APBB2: variants seen among roughly 807,000 people sequenced by gnomAD.
APBB2 encodes Fe65-like 1.
APBB2 carries 38 observed loss-of-function variants against 82.5 expected under a neutral mutation model. The observed-to-expected ratio is 0.46, with a 90% CI of 0.36 to 0.60. The LOEUF (loss-of-function observed/expected upper bound fraction) is 0.60. Among genes scored for constraint, APBB2 ranks in the 20% least tolerant of loss-of-function variants. The pLI, the probability that APBB2 is intolerant of heterozygous loss-of-function variation, is 0.00. For synonymous variants in APBB2, 341 were observed against 368.2 expected (o/e 0.93, Z 0.85); for missense variants, 772 against 972.3 (o/e 0.79, Z 2.74).
chr4:40,885,933 CT>C (rs879550800), intron 12 of APBB2, among the ~76,000 whole-genome samples: 23 of 148,078 alleles, frequency 1.6e-4, no homozygotes, highest in Non-Finnish European at 2.1e-4. Context: ...ACTATAGAAT[CT>C]TTTTTTTTTT....
At chr4:41,190,567 A>G (rs1774164604) in intron 1 of APBB2, among the ~76,000 whole-genome samples, 1 of 152,118 alleles carries the variant, frequency 6.6e-6, no homozygotes, top group Non-Finnish European at 1.5e-5. Flanking sequence ...CTATTTCTTA[A>G]AGTTCTGTGA....
chr4:40,848,857 T>C (rs1408602165), intron 12 of APBB2: 3 of 985,198 alleles, frequency 3.0e-6, no homozygotes, highest in Admixed American at 1.2e-4. Context: ...TGATCATCAC[T>C]GCCTCCAAAA....
At chr4:41,134,378 G>A (rs1305009054) in intron 2 of APBB2, among the ~76,000 whole-genome samples, 3 of 152,064 alleles carry the variant, frequency 2.0e-5, no homozygotes, top group East Asian at 3.9e-4. Flanking sequence ...AGGAGATGGA[G>A]ACCATCCTGG....
At position 40,962,337 on chromosome 4, in the gene APBB2, C is replaced by T. The variant is rs550896353; in HGVS notation, c.836-17264G>A. On this transcript the variant is annotated intron_variant, in intron 6 of 17. Coordinates refer to ENST00000508593, the MANE Select transcript of APBB2 (RefSeq NM_004307.2). ...AGAACCAGTAAATGAAATAATTATT[C>T]TCAAAATTTTCAAACGATAATTCAT... 2.2e-4 allele frequency among the ~76,000 whole-genome samples: 34 copies of T among 152,258 alleles called. No individual in the cohort carries two copies. The East Asian group carries it at 5.6e-3, about 25-fold the overall frequency.
chr4:40,917,768 G>A (rs1214933983), intron 10 of APBB2, among the ~76,000 whole-genome samples: 1 of 152,218 alleles, frequency 6.6e-6, no homozygotes, highest in African/African-American at 2.4e-5. Context: ...TTGGAATGAT[G>A]AGGAGTATTT....
chr4:41,207,171 C>T (rs979948717), intron 1 of APBB2, among the ~76,000 whole-genome samples: 2 of 132,448 alleles, frequency 1.5e-5, no homozygotes, highest in Non-Finnish European at 3.1e-5. Context: ...TGCATTCCAG[C>T]CTGGGCGACC....
chr4:41,053,410 C>T (rs1327729470), intron 4 of APBB2, among the ~76,000 whole-genome samples: 1 of 152,022 alleles, frequency 6.6e-6, no homozygotes, highest in Non-Finnish European at 1.5e-5. Flanking sequence ...ATTATTTCTC[C>T]CTACCCCTCA....
intron 10 of APBB2, among the ~76,000 whole-genome samples, chr4:40,934,084 G>A (rs139573490): frequency 8.1e-4 from 123 of 152,324 alleles, no homozygotes; most frequent in African/African-American, 2.7e-3. Context: ...CTCTGGTGGC[G>A]GTAGGTGGGA....
rs1779261357 is a variant in APBB2 at position 41,211,318 on chromosome 4, A to G, written c.-417+3087T>C. Among the ~76,000 whole-genome samples, 4 of 152,220 alleles carry G rather than the reference A, an allele frequency of 2.6e-5. No individual in the cohort carries two copies. The South Asian group carries it at 8.3e-4, about 32-fold the overall frequency. On this transcript the variant is annotated intron_variant, in intron 1 of 17. Transcript: ENST00000508593. ...AAATGCTGGTTTCCTAACCCCATGTAGGAAAATAAGTATTCCCCCCATAAC... is the reference window on the plus strand; with the variant it reads ...AAATGCTGGTTTCCTAACCCCATGTGGGAAAATAAGTATTCCCCCCATAAC...
chr4:41,083,551 G>A (rs946841879), intron 3 of APBB2, among the ~76,000 whole-genome samples: 9 of 151,716 alleles, frequency 5.9e-5, no homozygotes, highest in South Asian at 2.1e-4. Flanking sequence ...AGCCGGGCAC[G>A]GTAGCCCGCA....
intron 1 of APBB2, among the ~76,000 whole-genome samples, chr4:41,195,035 T>C: frequency 6.6e-6 from 1 of 152,140 alleles, no homozygotes; most frequent in Non-Finnish European, 1.5e-5. Context: ...TAGTGGCCAC[T>C]GCTCCTCAAG....
intron 1 of APBB2, among the ~76,000 whole-genome samples, chr4:41,168,009 G>A (rs1767140124): frequency 6.6e-6 from 1 of 152,098 alleles, no homozygotes; most frequent in African/African-American, 2.4e-5. Context: ...GGTGGCTCAC[G>A]CCTATAATCC....
intron 3 of APBB2, among the ~76,000 whole-genome samples, chr4:41,097,504 G>A (rs1286300128): frequency 1.3e-5 from 2 of 152,116 alleles, no homozygotes; most frequent in South Asian, 2.1e-4. Context: ...TTCACTAAAA[G>A]TGATGCTGTA....
At chr4:41,149,630 G>A (rs2154026699) in intron 1 of APBB2, among the ~76,000 whole-genome samples, 1 of 152,306 alleles carries the variant, frequency 6.6e-6, no homozygotes, top group East Asian at 1.9e-4. Context: ...TGACCAAGAT[G>A]TTACTCAACT....
chr4:40,897,497 G>T (rs916226553), intron 10 of APBB2, among the ~76,000 whole-genome samples: 1 of 150,246 alleles, frequency 6.7e-6, no homozygotes, highest in African/African-American at 2.5e-5. Flanking sequence ...TAGCCTAGGC[G>T]ACAAGAGCAA....
chr4:40,873,320 T>C (rs1766034872), intron 12 of APBB2, among the ~76,000 whole-genome samples: 1 of 152,222 alleles, frequency 6.6e-6, no homozygotes, highest in Non-Finnish European at 1.5e-5. Context: ...TATTTAAACC[T>C]TATCTTTTAT....
chr4:40,957,843 C>CA (rs1792090646), intron 6 of APBB2, among the ~76,000 whole-genome samples: 1 of 152,168 alleles, frequency 6.6e-6, no homozygotes, highest in Non-Finnish European at 1.5e-5. Flanking sequence ...TTTGGCCTCC[C>CA]AAAGTGCTGG....
At chr4:40,917,246 CT>C (rs1461343440) in intron 10 of APBB2, among the ~76,000 whole-genome samples, 2 of 152,190 alleles carry the variant, frequency 1.3e-5, no homozygotes, top group African/African-American at 4.8e-5. Flanking sequence ...TCTAAGTGAA[CT>C]CCAGCTCCCC....
intron 10 of APBB2, among the ~76,000 whole-genome samples, chr4:40,893,706 C>T (rs1035992520): frequency 6.6e-6 from 1 of 152,116 alleles, no homozygotes; most frequent in African/African-American, 2.4e-5. Flanking sequence ...CACCTGTGAT[C>T]CTAGCACCTG....
Sources: allele counts gnomAD v4.1 joint callset (sites outside exome capture counted in the v4.1 genomes callset), GRCh38; gene constraint gnomAD v4.1.1; transcripts MANE v1.5; gene names NCBI Gene and HGNC (gene_info 2026-07-23, HGNC 2026-07-21).